SH3BP4: variants seen among roughly 807,000 people sequenced by gnomAD.
The protein encoded by SH3BP4 is SH3 domain binding protein 4.
SH3BP4 carries 33 observed loss-of-function variants against 65.5 expected under a neutral mutation model. The observed-to-expected ratio is 0.50, with a 90% confidence interval of 0.38 to 0.67. The LOEUF (loss-of-function observed/expected upper bound fraction) is 0.67, where lower values mean the gene tolerates loss of function less well. SH3BP4 is among the 30% of genes least tolerant of loss of function. The probability of loss-of-function intolerance (pLI) is 0.00; values close to 1 mark genes in which losing one functional copy is unlikely to be tolerated. For missense variants in SH3BP4, 1,134 were observed against 1,261.4 expected, an observed-to-expected ratio of 0.90 and a Z score of 1.53; for synonymous variants, 552 against 545.5, an observed-to-expected ratio of 1.01 and a Z score of -0.17.
At chr2:234,985,784 G>T (rs1333901261) in intron 1 of SH3BP4, among the ~76,000 whole-genome samples, 1 of 151,242 alleles carries the variant, frequency 6.6e-6, no homozygotes, top group Non-Finnish European at 1.5e-5. Flanking sequence ...AAGGAGCACG[G>T]TGCAGGTGAA....
rs548872201 is a variant in SH3BP4 at position 235,040,006 on chromosome 2, G to A, written c.119-882G>A. Among the ~76,000 whole-genome samples, 7 of 152,180 alleles carry A rather than the reference G, an allele frequency of 4.6e-5. No homozygotes were observed. In the East Asian group the frequency reaches 1.2e-3, roughly 25 times the overall value. ...TCCCATCATTTTGGGAGGCTGAGGC[G>A]GGAGGATCACTTGAGGTCAGGAGTT... On this transcript the variant is annotated intron_variant, in intron 3 of 5. Coordinates refer to ENST00000392011, the MANE Select transcript of SH3BP4 (RefSeq NM_014521.3).
intron 1 of SH3BP4, among the ~76,000 whole-genome samples, chr2:234,970,932 A>G (rs1046982604): frequency 3.9e-5 from 6 of 152,116 alleles, no homozygotes; most frequent in Admixed American, 6.5e-5. Flanking sequence ...CTGCAGCGTG[A>G]GTTACCGGAC....
In SH3BP4 at chr2:235,034,896, C is replaced by A; in HGVS notation, c.-107C>A. 2 of 892,898 alleles carry A rather than the reference C, an allele frequency of 2.2e-6. No homozygotes were observed. The highest frequency in any genetic ancestry group is 1.8e-6 in the Non-Finnish European group (1 of 566,444). The allele number at this position is 892,898 out of a possible 1,614,324, so 55.3% of individuals were successfully genotyped here. A position where few individuals can be genotyped will look rare whatever the true frequency, so the allele number is the denominator to read the frequency against. On this transcript the variant is annotated 5_prime_UTR_variant, in exon 3 of 6. Transcript: ENST00000392011. This position sits in a 1 kb window ranked among gnomAD's most constrained non-coding sequence, Gnocchi z 6.2. ...GAAGAAACATATTGCCGAGTGGATG[C>A]CGCCGCGCAGCGTGTTTGCTTGAGG...
intron 1 of SH3BP4, among the ~76,000 whole-genome samples, chr2:234,973,982 C>T (rs903311714): frequency 9.9e-5 from 15 of 152,144 alleles, no homozygotes; most frequent in Admixed American, 7.9e-4. Flanking sequence ...CAACATGAGC[C>T]AGTCTCCAAG....
At chr2:235,024,933 C>T (rs990987366) in intron 2 of SH3BP4, among the ~76,000 whole-genome samples, 1 of 152,018 alleles carries the variant, frequency 6.6e-6, no homozygotes, top group Non-Finnish European at 1.5e-5. Context: ...TGGCCAGCCC[C>T]AGTCAAATGA....
At chr2:235,011,175 CT>C in intron 2 of SH3BP4, among the ~76,000 whole-genome samples, 1 of 91,320 alleles carries the variant, frequency 1.1e-5, no homozygotes, top group African/African-American at 4.7e-5. Flanking sequence ...CCCTTCCTCC[CT>C]CTCCTAGGAG....
At chr2:234,968,314 C>T (rs981665391) in intron 1 of SH3BP4, among the ~76,000 whole-genome samples, 1 of 151,188 alleles carries the variant, frequency 6.6e-6, no homozygotes. Flanking sequence ...TTTGTAGAAC[C>T]GGATGGACCT....
At chr2:235,021,578 C>T (rs555688873) in intron 2 of SH3BP4, among the ~76,000 whole-genome samples, 10 of 149,010 alleles carry the variant, frequency 6.7e-5, no homozygotes, top group African/African-American at 2.5e-4. Context: ...AAGATCATGC[C>T]ACTGTGCTCT....
Position 235,034,419 on chromosome 2 carries a change from G to A in SH3BP4, c.-132-452G>A, listed in dbSNP as rs909117014. On this transcript the variant is annotated intron_variant, in intron 2 of 5. Transcript: ENST00000392011. The surrounding 1 kb of genome is among the most constrained non-coding windows in gnomAD (Gnocchi z 6.2). ...CTGTGTTCATTGATGGCTGCTTCCC[G>A]GGGCCGAGTCACCATGATGACTGCC... Among the ~76,000 whole-genome samples the A allele has an allele frequency of 6.6e-6, 1 of 152,070 alleles. No individual in the cohort carries two copies. The highest frequency in any genetic ancestry group is 1.5e-5 in the Non-Finnish European group (1 of 67,996).
At chr2:234,996,465 T>G (rs1274401950) in intron 2 of SH3BP4, among the ~76,000 whole-genome samples, 1 of 152,188 alleles carries the variant, frequency 6.6e-6, no homozygotes. Context: ...GGCTCAGGGC[T>G]TTTCATAGTG....
At chr2:235,021,227 T>C (rs1694838213) in intron 2 of SH3BP4, among the ~76,000 whole-genome samples, 1 of 152,192 alleles carries the variant, frequency 6.6e-6, no homozygotes, top group South Asian at 2.1e-4. Context: ...AAGATGTCAC[T>C]TCTTGTAAAG....
intron 2 of SH3BP4, among the ~76,000 whole-genome samples, chr2:234,996,206 G>C (rs1693912255): frequency 6.6e-6 from 1 of 152,330 alleles, no homozygotes; most frequent in African/African-American, 2.4e-5. Flanking sequence ...CAAGGCCAAA[G>C]GGGGAGTTGA....
At chr2:235,047,115 C>T (rs1444722247) in intron 4 of SH3BP4, among the ~76,000 whole-genome samples, 3 of 152,208 alleles carry the variant, frequency 2.0e-5, no homozygotes, top group African/African-American at 7.2e-5. Flanking sequence ...GGTTGGGAAG[C>T]AGAGCCTCCT....
Position 234,977,918 on chromosome 2 carries a change from A to T in SH3BP4, c.-206-17385A>T, listed in dbSNP as rs1161931852. On this transcript the variant is annotated intron_variant, in intron 1 of 5. Transcript: ENST00000392011. This position sits in a 1 kb window ranked among gnomAD's most constrained non-coding sequence, Gnocchi z 5.1. The stretch of plus-strand genomic sequence containing the variant: ...TTGTGTCCTGCAGCTGCTAGTGGCC[A>T]GTCTGTCCCACTTGGATGGTCTGTT... Among the ~76,000 whole-genome samples the T allele has an allele frequency of 6.6e-6, 1 of 152,176 alleles. No homozygotes were observed. Among genetic ancestry groups the T allele is most frequent in the Non-Finnish European group, 1.5e-5 (1 of 68,028 alleles).
chr2:235,033,024 C>T lies in SH3BP4; in HGVS notation c.-132-1847C>T, dbSNP rs1695255875. On this transcript the variant is annotated intron_variant, in intron 2 of 5. Coordinates refer to ENST00000392011, the MANE Select transcript of SH3BP4 (RefSeq NM_014521.3). The surrounding 1 kb of genome is among the most constrained non-coding windows in gnomAD (Gnocchi z 5.7). ...GAGTGCTGGCCTCCACTCTGCCCCTCCTTACACTGCTGGGTAGGAGAGACG... is the reference window on the plus strand; with the variant it reads ...GAGTGCTGGCCTCCACTCTGCCCCTTCTTACACTGCTGGGTAGGAGAGACG... 6.6e-6 allele frequency among the ~76,000 whole-genome samples: 1 copy of T among 152,174 alleles called. No homozygotes were observed. The highest frequency in any genetic ancestry group is 1.5e-5 in the Non-Finnish European group (1 of 68,024).
At chr2:235,036,286 T>C (rs1286350647) in intron 3 of SH3BP4, among the ~76,000 whole-genome samples, 2 of 152,220 alleles carry the variant, frequency 1.3e-5, no homozygotes, top group Admixed American at 1.3e-4. Flanking sequence ...AGTGATTGGG[T>C]GTTGCCATAA....
chr2:234,990,234 G>A (rs1414932687), intron 1 of SH3BP4, among the ~76,000 whole-genome samples: 2 of 152,118 alleles, frequency 1.3e-5, no homozygotes, highest in African/African-American at 4.8e-5. Flanking sequence ...TTGTAGTTTG[G>A]TTCTACTGAC....
At chr2:234,964,606 C>A (rs993472618) in intron 1 of SH3BP4, among the ~76,000 whole-genome samples, 1 of 152,042 alleles carries the variant, frequency 6.6e-6, no homozygotes, top group Non-Finnish European at 1.5e-5. Flanking sequence ...ATGAGCAGGC[C>A]AGGAAGTGCA....
intron 2 of SH3BP4, among the ~76,000 whole-genome samples, chr2:235,031,781 C>T (rs756302983): frequency 1.3e-5 from 2 of 152,224 alleles, no homozygotes; most frequent in Non-Finnish European, 2.9e-5. Flanking sequence ...GGTGGCCAGT[C>T]GTGCTCTCCA....
Sources: gnomAD v4.1 joint callset for allele counts (sites outside exome capture counted in the v4.1 genomes callset) on GRCh38, gnomAD v4.1.1 for gene constraint, Gnocchi (gnomAD v3.1) non-coding constraint, MANE v1.5 for transcripts, NCBI Gene and HGNC (gene_info 2026-07-23, HGNC 2026-07-21) for gene names.